Variants in KCNK10 observed in about 807,000 individuals in gnomAD.
KCNK10 encodes potassium channel subfamily K member 10.
KCNK10 carries 25 observed loss-of-function variants against 47.7 expected under a neutral mutation model. The ratio of observed to expected loss-of-function variants is 0.52; its 90% CI spans 0.38 to 0.73. The LOEUF is 0.73. Ranked by LOEUF, KCNK10 falls within the 30% of genes least tolerant of loss-of-function variation. KCNK10 has a pLI of 0.00. For synonymous variants in KCNK10, 303 were observed against 285.6 expected (o/e 1.06, Z -0.61); for missense variants, 563 against 714.5 (o/e 0.79, Z 2.42).
At chr14:88,216,938 C>T (rs1327149512) in intron 4 of KCNK10, among the ~76,000 whole-genome samples, 9 of 152,068 alleles carry the variant, frequency 5.9e-5, no homozygotes, top group African/African-American at 1.9e-4. Context: ...GGGCAGATCA[C>T]GAGGTAAGGA....
At chr14:88,240,978 C>CAA (rs2139890286) in intron 2 of KCNK10, among the ~76,000 whole-genome samples, 158 bp from the exon 3 acceptor site, 1 of 151,618 alleles carries the variant, frequency 6.6e-6, no homozygotes, top group South Asian at 2.1e-4. Flanking sequence ...CATCCCAAAG[C>CAA]AAAATACTAT....
chr14:88,197,548 T>C (rs1295399229), intron 4 of KCNK10, among the ~76,000 whole-genome samples: 1 of 107,170 alleles, frequency 9.3e-6, no homozygotes, highest in Non-Finnish European at 1.7e-5. Flanking sequence ...CACTCCAGCC[T>C]GGGCAACAGA....
At chr14:88,208,157 C>T (rs888493371) in intron 4 of KCNK10, among the ~76,000 whole-genome samples, 3 of 152,138 alleles carry the variant, frequency 2.0e-5, no homozygotes, top group African/African-American at 7.2e-5. Context: ...TTGGTGGGTT[C>T]CTTTTTTATT....
At chr14:88,189,652 A>C (rs1566678391) in intron 5 of KCNK10, among the ~76,000 whole-genome samples, 1 of 152,142 alleles carries the variant, frequency 6.6e-6, no homozygotes, top group Non-Finnish European at 1.5e-5. Flanking sequence ...GAAATATTGT[A>C]AGGCTGTCCT....
chr14:88,267,534 C>A (rs1179170659), intron 1 of KCNK10, among the ~76,000 whole-genome samples: 1 of 152,000 alleles, frequency 6.6e-6, no homozygotes, highest in Non-Finnish European at 1.5e-5. Flanking sequence ...CCATGCCCGG[C>A]TGATTTTTTG....
At chr14:88,261,345 C>T (rs557637280) in intron 2 of KCNK10, among the ~76,000 whole-genome samples, 14 of 152,332 alleles carry the variant, frequency 9.2e-5, no homozygotes, top group Non-Finnish European at 1.8e-4. Context: ...TATACTCCTA[C>T]TTAAAACTAC....
Position 88,183,307 on chromosome 14 carries a change from C to T in KCNK10, c.*2228G>A, listed in dbSNP as rs778040066. 2.6e-5 allele frequency: 4 copies of T among 152,332 alleles called. No homozygotes were observed. Among genetic ancestry groups the T allele is most frequent in the South Asian group, 2.1e-4 (1 of 4,838 alleles). 9.4% of individuals were successfully genotyped at this position (152,332 alleles called of 1,614,324 possible). A position where few individuals can be genotyped will look rare whatever the true frequency, so the allele number is the denominator to read the frequency against. On this transcript the variant is annotated 3_prime_UTR_variant, in exon 7 of 7. Transcript: ENST00000319231. ...AATCCTGTGCCTGGCCCACAGAAGGCACTGGATAAATGAGAGGGAAGCCTC... is the reference window on the plus strand; with the variant it reads ...AATCCTGTGCCTGGCCCACAGAAGGTACTGGATAAATGAGAGGGAAGCCTC...
intron 4 of KCNK10, among the ~76,000 whole-genome samples, chr14:88,214,425 C>T (rs148494206): frequency 9.8e-5 from 15 of 152,302 alleles, no homozygotes; most frequent in Admixed American, 7.2e-4. Context: ...GATGGAAGAA[C>T]AGAGTGGGGA....
chr14:88,248,989 C>G (rs1886719175), intron 2 of KCNK10, among the ~76,000 whole-genome samples: 1 of 152,166 alleles, frequency 6.6e-6, no homozygotes, highest in Non-Finnish European at 1.5e-5. Flanking sequence ...AGTGTCAGAG[C>G]TGAGACTGGT....
intron 4 of KCNK10, among the ~76,000 whole-genome samples, chr14:88,208,294 C>A (rs1201224967): frequency 6.6e-6 from 1 of 151,938 alleles, no homozygotes; most frequent in Non-Finnish European, 1.5e-5. Flanking sequence ...AGACAGGGGA[C>A]AATACCATCA....
intron 1 of KCNK10, among the ~76,000 whole-genome samples, chr14:88,264,680 C>T (rs1051668108): frequency 2.0e-5 from 3 of 152,166 alleles, no homozygotes; most frequent in East Asian, 1.9e-4. Context: ...CTTTGGAAAC[C>T]GAGCTGAACG....
intron 4 of KCNK10, among the ~76,000 whole-genome samples, chr14:88,226,653 G>A (rs1885997098): frequency 6.6e-6 from 1 of 152,166 alleles, no homozygotes; most frequent in Non-Finnish European, 1.5e-5. Flanking sequence ...GGGAACCCCG[G>A]TTTAATCACT....
chr14:88,279,143 T>TC lies in KCNK10; in HGVS notation c.53-15593dup, dbSNP rs1887590932. ...TTCAGTTATCAACAGCTGCTAATTT[T>TC]CCCCAAATGCAATTTCTATCAAACC... On this transcript the variant is annotated intron_variant, in intron 1 of 6. Coordinates refer to ENST00000319231, the MANE Select transcript of KCNK10 (RefSeq NM_138317.3). Among the ~76,000 whole-genome samples the TC allele has an allele frequency of 5.3e-5, 8 of 152,314 alleles. No individual in the cohort carries two copies. The South Asian group carries it at 1.7e-3, about 32-fold the overall frequency.
chr14:88,218,964 G>T (rs1453954045), intron 4 of KCNK10, among the ~76,000 whole-genome samples: 1 of 152,074 alleles, frequency 6.6e-6, no homozygotes. Context: ...CTCCACATTG[G>T]TTTCATGGTG....
At chr14:88,237,027 T>C (rs1886319931) in intron 3 of KCNK10, among the ~76,000 whole-genome samples, 2 of 152,222 alleles carry the variant, frequency 1.3e-5, no homozygotes, top group South Asian at 2.1e-4. Context: ...TGCTGTTAGA[T>C]AGCATTTTAC....
intron 1 of KCNK10, among the ~76,000 whole-genome samples, chr14:88,296,924 C>T (rs28622600): frequency 0.031 from 4,684 of 152,310 alleles, 269 homozygotes; most frequent in African/African-American, 0.11. Context: ...ACATCATTAT[C>T]TTATGTGCCT....
chr14:88,313,424 G>A (rs1269196208), intron 1 of KCNK10, among the ~76,000 whole-genome samples: 2 of 152,216 alleles, frequency 1.3e-5, no homozygotes, highest in African/African-American at 4.8e-5. Context: ...GTAACAATAT[G>A]TGATTTTTGA....
intron 4 of KCNK10, among the ~76,000 whole-genome samples, chr14:88,225,978 G>A (rs1257829829): frequency 6.6e-6 from 1 of 152,250 alleles, no homozygotes; most frequent in African/African-American, 2.4e-5. Flanking sequence ...AGCAAAGGCT[G>A]TGGGACATTC....
At chr14:88,279,375 G>C (rs56724512) in intron 1 of KCNK10, among the ~76,000 whole-genome samples, 33 of 141,202 alleles carry the variant, frequency 2.3e-4, no homozygotes, top group African/African-American at 9.8e-4. Flanking sequence ...GTGTGTGTGT[G>C]TGTGTGTGTG....
Sources: allele counts gnomAD v4.1 joint callset (sites outside exome capture counted in the v4.1 genomes callset), GRCh38; gene constraint gnomAD v4.1.1; transcripts MANE v1.5; gene names NCBI Gene and HGNC (gene_info 2026-07-23, HGNC 2026-07-21).